The following CDH13 variants were observed in gnomAD, a reference collection of about 807,000 sequenced individuals.
The protein encoded by CDH13 is cadherin 13, also known as cadherin-13.
In CDH13, 24 loss-of-function variants were observed where a neutral mutation model predicts 63.8. The ratio of observed to expected loss-of-function variants is 0.38; its 90% confidence interval spans 0.27 to 0.53. The LOEUF (loss-of-function observed/expected upper bound fraction) is 0.53, where lower values mean the gene tolerates loss of function less well. CDH13 is among the 20% of genes least tolerant of loss of function. The pLI is 0.85. For synonymous variants in CDH13, 503 were observed against 355.3 expected (o/e 1.42, Z -4.67); for missense variants, 1,049 against 903.1 (o/e 1.16, Z -2.07).
At chr16:83,201,786 G>T in intron 4 of CDH13, among the ~76,000 whole-genome samples, 1 of 151,612 alleles carries the variant, frequency 6.6e-6, no homozygotes, top group Non-Finnish European at 1.5e-5. Context: ...GCGTGGTAGC[G>T]GGTGCCTGTA....
intron 6 of CDH13, among the ~76,000 whole-genome samples, chr16:83,389,971 G>C (rs188037218): frequency 6.6e-6 from 1 of 152,326 alleles, no homozygotes; most frequent in East Asian, 1.9e-4. Flanking sequence ...TTTATTTATA[G>C]TCATTCAGTG....
intron 5 of CDH13, among the ~76,000 whole-genome samples, chr16:83,263,097 CAAGG>C (rs1211155271): frequency 1.3e-5 from 2 of 152,132 alleles, no homozygotes; most frequent in African/African-American, 2.4e-5. Context: ...TGGATATAAA[CAAGG>C]AGGGAGAGAT....
chr16:83,432,745 A>T (rs1398688435), intron 6 of CDH13, among the ~76,000 whole-genome samples: 1 of 152,170 alleles, frequency 6.6e-6, no homozygotes, highest in Non-Finnish European at 1.5e-5. Flanking sequence ...TGGCACAGGC[A>T]GCTGGGTCTC....
At chr16:83,434,046 T>C (rs1332183276) in intron 6 of CDH13, among the ~76,000 whole-genome samples, 1 of 152,192 alleles carries the variant, frequency 6.6e-6, no homozygotes, top group African/African-American at 2.4e-5. Context: ...GTGAGAGGTT[T>C]CCCAGAAGTG....
chr16:83,199,093 C>T (rs1158317407), intron 4 of CDH13, among the ~76,000 whole-genome samples: 3 of 152,130 alleles, frequency 2.0e-5, no homozygotes, highest in South Asian at 2.1e-4. Context: ...GGCCCGGGTA[C>T]ATTTGCCTGG....
intron 3 of CDH13, among the ~76,000 whole-genome samples, chr16:83,084,798 G>T (rs1001465084): frequency 2.0e-5 from 3 of 152,190 alleles, no homozygotes; most frequent in Non-Finnish European, 4.4e-5. Flanking sequence ...TGAGGCAGGA[G>T]AATCCCTTGA....
At chr16:83,769,326 A>G (rs1914608705) in intron 11 of CDH13, among the ~76,000 whole-genome samples, 1 of 152,156 alleles carries the variant, frequency 6.6e-6, no homozygotes, top group Admixed American at 6.6e-5. Context: ...CAGAGATCCT[A>G]TCTAGGGGAA....
intron 1 of CDH13, among the ~76,000 whole-genome samples, chr16:82,721,999 T>C (rs2032805146): frequency 6.6e-6 from 1 of 152,146 alleles, no homozygotes; most frequent in South Asian, 2.1e-4. Context: ...CACTGACCCA[T>C]AGTCGGACAG....
chr16:82,713,099 G>T (rs1402006397), intron 1 of CDH13, among the ~76,000 whole-genome samples: 2 of 151,564 alleles, frequency 1.3e-5, no homozygotes, highest in Non-Finnish European at 2.9e-5. Context: ...AAGGACGTTT[G>T]GCAAAAAAAC....
At chr16:83,537,547 A>C (rs2150641750) in intron 7 of CDH13, among the ~76,000 whole-genome samples, 1 of 152,296 alleles carries the variant, frequency 6.6e-6, no homozygotes, top group South Asian at 2.1e-4. Context: ...CCATTTGCTC[A>C]CACTCTGGCA....
At chr16:82,946,424 T>C (rs1158922974) in intron 2 of CDH13, among the ~76,000 whole-genome samples, 1 of 152,140 alleles carries the variant, frequency 6.6e-6, no homozygotes, top group Admixed American at 6.5e-5. Flanking sequence ...AAAATTAAGC[T>C]TAATCTTCAT....
intron 8 of CDH13, among the ~76,000 whole-genome samples, chr16:83,645,615 T>C (rs1911719058): frequency 1.3e-5 from 2 of 151,702 alleles, no homozygotes; most frequent in African/African-American, 2.4e-5. Context: ...CACCCTCAGG[T>C]GTGGCATTAC....
chr16:83,442,736 T>G (rs951666260), intron 6 of CDH13, among the ~76,000 whole-genome samples: 1 of 152,230 alleles, frequency 6.6e-6, no homozygotes, highest in Admixed American at 6.5e-5. Flanking sequence ...AACAGTGATA[T>G]CAGAATGTTA....
At chr16:83,648,837 C>G (rs905457858) in intron 8 of CDH13, among the ~76,000 whole-genome samples, 2 of 151,744 alleles carry the variant, frequency 1.3e-5, no homozygotes, top group African/African-American at 4.8e-5. Context: ...CTCGCTGTTT[C>G]TTTCTTCTTC....
At chr16:83,103,403 G>A (rs754478951) in intron 3 of CDH13, among the ~76,000 whole-genome samples, 23 of 150,728 alleles carry the variant, frequency 1.5e-4, no homozygotes, top group African/African-American at 4.2e-4. Context: ...GTGCCACCAC[G>A]CCCGGCTGAT....
intron 1 of CDH13, among the ~76,000 whole-genome samples, chr16:82,777,462 C>T (rs1309222422): frequency 2.0e-5 from 3 of 152,164 alleles, no homozygotes; most frequent in African/African-American, 7.2e-5. Context: ...AATGGTGCCT[C>T]CAAGAGTTGT....
Position 83,205,044 on chromosome 16 carries a change from A to C in CDH13, c.484-12301A>C, listed in dbSNP as rs375507544. ...TGTGTGCCCAGAAGGATAGGAGCCC[A>C]CAGGGGCTGAGGCAGCCACCATGAT... On this transcript the variant is annotated intron_variant, in intron 4 of 13. Coordinates refer to ENST00000567109, the MANE Select transcript of CDH13 (RefSeq NM_001257.5). 1.3e-4 allele frequency among the ~76,000 whole-genome samples: 20 copies of C among 152,240 alleles called. 1 individual carries two copies. Among genetic ancestry groups the C allele is most frequent in the East Asian group, 9.6e-4 (5 of 5,196 alleles).
intron 7 of CDH13, among the ~76,000 whole-genome samples, chr16:83,569,445 G>A (rs1904366802): frequency 6.6e-6 from 1 of 152,198 alleles, no homozygotes; most frequent in Admixed American, 6.5e-5. Flanking sequence ...AGTGGATACT[G>A]GGCTGCAGCC....
At chr16:83,009,631 C>G (rs1913913367) in intron 2 of CDH13, among the ~76,000 whole-genome samples, 1 of 152,154 alleles carries the variant, frequency 6.6e-6, no homozygotes, top group Non-Finnish European at 1.5e-5. Flanking sequence ...ATTCTCTCTG[C>G]ATATTTAATA....
Sources: gnomAD v4.1 joint callset for allele counts (sites outside exome capture counted in the v4.1 genomes callset) on GRCh38, gnomAD v4.1.1 for gene constraint, MANE v1.5 for transcripts, NCBI Gene and HGNC (gene_info 2026-07-23, HGNC 2026-07-21) for gene names.